Variants in RBFOX1 observed in about 807,000 individuals in gnomAD.
The protein encoded by RBFOX1 is RNA binding protein fox-1 homolog 1.
In RBFOX1, 8 loss-of-function variants were observed where a neutral mutation model predicts 57.7. The observed-to-expected ratio is 0.14, with a 90% CI of 0.08 to 0.25. RBFOX1 has a LOEUF of 0.25. Ranked by LOEUF, RBFOX1 falls within the 10% of genes least tolerant of loss-of-function variation. The probability of loss-of-function intolerance (pLI) is 1.00; values close to 1 mark genes in which losing one functional copy is unlikely to be tolerated. For missense variants in RBFOX1, 611 were observed against 548.5 expected, an observed-to-expected ratio of 1.11 and a Z score of -1.14; for synonymous variants, 326 against 222.4, an observed-to-expected ratio of 1.47 and a Z score of -4.15.
intron 1 of RBFOX1, among the ~76,000 whole-genome samples, chr16:5,424,167 A>G (rs1012460725): frequency 4.0e-5 from 6 of 151,826 alleles, no homozygotes; most frequent in Admixed American, 2.0e-4. Context: ...GAGAGTGTGC[A>G]CTCTCTCTCT....
chr16:6,735,018 G>T (rs1040791273), intron 3 of RBFOX1, among the ~76,000 whole-genome samples: 1 of 152,026 alleles, frequency 6.6e-6, no homozygotes, highest in African/African-American at 2.4e-5. Flanking sequence ...CACAGTGTAT[G>T]TCTGTGTTCT....
At chr16:7,595,504 A>T (rs368457185) in intron 7 of RBFOX1, 45 bp from the exon 8 acceptor site, 22 of 1,439,194 alleles carry the variant, frequency 1.5e-5, no homozygotes, top group Non-Finnish European at 2.1e-5. Flanking sequence ...CGTTGACTGA[A>T]ATAATAATCT....
chr16:5,538,420 G>C (rs2044789195), intron 2 of RBFOX1, among the ~76,000 whole-genome samples: 1 of 152,142 alleles, frequency 6.6e-6, no homozygotes, highest in Non-Finnish European at 1.5e-5. Context: ...CTACTGTTCA[G>C]GGAGGTCAAA....
rs199690584 is a variant in RBFOX1 at position 6,060,122 on chromosome 16, G to GTTTTTTTTTTT, written c.-127+40156_-127+40166dup. Among the ~76,000 whole-genome samples, 40 of 114,178 alleles carry GTTTTTTTTTTT rather than the reference G, an allele frequency of 3.5e-4. 3 individuals are homozygous for GTTTTTTTTTTT. Among genetic ancestry groups the GTTTTTTTTTTT allele is most frequent in the African/African-American group, 6.1e-4 (17 of 27,750 alleles). 74.9% of individuals were successfully genotyped at this position (114,178 alleles called of 152,430 possible). A position where few individuals can be genotyped will look rare whatever the true frequency, so the allele number is the denominator to read the frequency against. ...ATTTGGCCCTAAAATTAGGATTAGG[G>GTTTTTTTTTTT]TTTTTTTTTTTTTTTTTTTTTTTTT... On this transcript the variant is annotated intron_variant, in intron 1 of 15. Coordinates refer to ENST00000550418, the MANE Select transcript of RBFOX1 (RefSeq NM_018723.4).
At chr16:5,426,877 C>G (rs1230270311) in intron 1 of RBFOX1, among the ~76,000 whole-genome samples, 2 of 152,214 alleles carry the variant, frequency 1.3e-5, no homozygotes, top group South Asian at 2.1e-4. Flanking sequence ...GGGGCTGCAA[C>G]CATCCCTGCT....
Position 6,141,089 on chromosome 16 carries a change from T to C in RBFOX1, c.-127+121097T>C, listed in dbSNP as rs979926087. On this transcript the variant is annotated intron_variant, in intron 1 of 15. Transcript: ENST00000550418. ...TCTTAATTCTCTGTGTCCATCCCCA[T>C]GTCTTCTCTCTCAGGCACAGGCTAA... Among the ~76,000 whole-genome samples the C allele has an allele frequency of 4.6e-5, 7 of 152,206 alleles. 1 individual carries two copies. The highest frequency in any genetic ancestry group is 1.7e-4 in the African/African-American group (7 of 41,450).
chr16:6,399,051 A>G lies in RBFOX1; in HGVS notation c.-64+81994A>G, dbSNP rs552070310. 8.5e-5 allele frequency among the ~76,000 whole-genome samples: 13 copies of G among 152,266 alleles called. No individual in the cohort carries two copies. In the South Asian group the frequency reaches 2.7e-3, roughly 32 times the overall value. ...AAACCTCAATGCTTGTCTTCTGTGC[A>G]CCCACAGGAGCAATACCACGTGAAA... On this transcript the variant is annotated intron_variant, in intron 2 of 15. Transcript: ENST00000550418.
intron 4 of RBFOX1, among the ~76,000 whole-genome samples, chr16:7,206,232 G>T (rs1019736881): frequency 6.6e-6 from 1 of 152,120 alleles, no homozygotes; most frequent in Admixed American, 6.5e-5. Context: ...GGATTTACCA[G>T]ACAGTAACAT....
chr16:6,964,018 A>AT (rs1353907039), intron 3 of RBFOX1, among the ~76,000 whole-genome samples: 1 of 138,234 alleles, frequency 7.2e-6, no homozygotes, highest in Non-Finnish European at 1.6e-5. Flanking sequence ...TTATTTACCT[A>AT]TTTTTATTTT....
chr16:5,722,857 A>G (rs1021737106), intron 3 of RBFOX1, among the ~76,000 whole-genome samples: 1 of 152,072 alleles, frequency 6.6e-6, no homozygotes, highest in South Asian at 2.1e-4. Flanking sequence ...ACCCTCTGCC[A>G]CTTAACTTTT....
In RBFOX1 at chr16:7,530,832, C is replaced by T. The variant is rs180790073; in HGVS notation, c.270+12443C>T. On this transcript the variant is annotated intron_variant, in intron 5 of 15. Coordinates refer to ENST00000550418, the MANE Select transcript of RBFOX1 (RefSeq NM_018723.4). The stretch of plus-strand genomic sequence containing the variant: ...CTCAAGAGACAGTAAGCCAGACAGT[C>T]TGGAGATCCAGGGAGATGCTCATGG... Among the ~76,000 whole-genome samples, 41 of 152,314 alleles carry T rather than the reference C, an allele frequency of 2.7e-4. No homozygotes were observed. The East Asian group carries it at 5.0e-3, about 19-fold the overall frequency.
At chr16:5,272,485 T>C (rs8062909) in intron 1 of RBFOX1, among the ~76,000 whole-genome samples, 51,147 of 152,022 alleles carry the variant, frequency 0.34, 8,786 homozygotes, top group Middle Eastern at 0.4. Context: ...CTACCTGAGA[T>C]TTCTACTGAG....
intron 2 of RBFOX1, among the ~76,000 whole-genome samples, chr16:6,643,800 A>C (rs1425639014): frequency 6.7e-6 from 1 of 149,042 alleles, no homozygotes; most frequent in Non-Finnish European, 1.5e-5. Flanking sequence ...GCTTGAACTT[A>C]TTCTCAAAAT....
intron 3 of RBFOX1, among the ~76,000 whole-genome samples, chr16:6,737,762 T>C (rs1309313533): frequency 6.6e-6 from 1 of 152,216 alleles, no homozygotes; most frequent in Non-Finnish European, 1.5e-5. Context: ...TAATAGTCCA[T>C]TTATTAATAA....
At chr16:5,815,066 C>G (rs779529780) in intron 3 of RBFOX1, among the ~76,000 whole-genome samples, 1 of 151,942 alleles carries the variant, frequency 6.6e-6, no homozygotes, top group South Asian at 2.1e-4. Flanking sequence ...TCACCGCAGC[C>G]CCAACCTCCT....
At chr16:6,175,568 A>G (rs11649165) in intron 1 of RBFOX1, among the ~76,000 whole-genome samples, 95,601 of 152,032 alleles carry the variant, frequency 0.63, 31,075 homozygotes, top group African/African-American at 0.79. Flanking sequence ...TGTTGTGCAT[A>G]GCACCTAGTA....
chr16:5,802,149 C>T (rs2055079324), intron 3 of RBFOX1, among the ~76,000 whole-genome samples: 1 of 152,150 alleles, frequency 6.6e-6, no homozygotes, highest in Non-Finnish European at 1.5e-5. Context: ...AGGTTTAACT[C>T]CCCTTACTCC....
intron 1 of RBFOX1, among the ~76,000 whole-genome samples, chr16:5,278,419 T>C (rs375086850): frequency 2.0e-5 from 3 of 152,376 alleles, no homozygotes; most frequent in Non-Finnish European, 4.4e-5. Context: ...ATCTTCAGCA[T>C]GAACTCTTTG....
intron 3 of RBFOX1, among the ~76,000 whole-genome samples, chr16:5,790,928 G>A (rs1235527244): frequency 2.0e-5 from 3 of 150,972 alleles, no homozygotes; most frequent in African/African-American, 7.3e-5. Context: ...GAGTGCAGTG[G>A]TGTGATTTCG....
Sources: allele counts gnomAD v4.1 joint callset (sites outside exome capture counted in the v4.1 genomes callset), GRCh38; gene constraint gnomAD v4.1.1; transcripts MANE v1.5; gene names NCBI Gene and HGNC (gene_info 2026-07-23, HGNC 2026-07-21).